Variants in TMEM184C observed in about 807,000 individuals in gnomAD.
TMEM184C encodes transmembrane protein 184C.
TMEM184C carries 25 observed loss-of-function variants against 54.5 expected under a neutral mutation model. That is an observed-to-expected ratio of 0.46 (90% CI 0.33 to 0.64). TMEM184C has a LOEUF of 0.64. TMEM184C is among the 30% of genes least tolerant of loss of function. TMEM184C has a pLI of 0.02. For synonymous variants in TMEM184C, 148 were observed against 181.5 expected, an observed-to-expected ratio of 0.82 and a Z score of 1.49; for missense variants, 335 against 520.3, an observed-to-expected ratio of 0.64 and a Z score of 3.46.
At chr4:147,631,131 A>T (rs75173332) in intron 6 of TMEM184C, among the ~76,000 whole-genome samples, 116 of 152,250 alleles carry the variant, frequency 7.6e-4, no homozygotes, top group Middle Eastern at 6.8e-3. Flanking sequence ...CATTTCTTCC[A>T]TTTATGTCAA....
In TMEM184C at chr4:147,625,764, C is replaced by T. The variant is rs549075150; in HGVS notation, c.497+755C>T. Among the ~76,000 whole-genome samples the T allele has an allele frequency of 1.5e-4, 23 of 152,208 alleles. No individual in the cohort carries two copies. In the South Asian group the frequency reaches 4.8e-3, roughly 32 times the overall value. On this transcript the variant is annotated intron_variant, in intron 4 of 9. Transcript: ENST00000296582. Reference sequence around the variant, plus strand: ...AATAGGACATGTCCACTAATGCAACCGCCCAAGGGGTTCACTTTGCCAGCC... The same window carrying T: ...AATAGGACATGTCCACTAATGCAACTGCCCAAGGGGTTCACTTTGCCAGCC...
chr4:147,628,335 A>C (rs763924010), intron 4 of TMEM184C, 26 bp from the exon 5 acceptor site: 6 of 1,583,010 alleles, frequency 3.8e-6, no homozygotes, highest in Admixed American at 1.9e-5. Flanking sequence ...GAGTAGTTGA[A>C]ATTCTAAGTT....
In TMEM184C at chr4:147,634,462, T is replaced by C. The variant is rs763135584; in HGVS notation, c.*28T>C. On this transcript the variant is annotated 3_prime_UTR_variant, in exon 10 of 10. Transcript: ENST00000296582. ...AGTATGGAAAAGCAAACTGTGCAAC[T>C]ACTACATTATATCATTACCTGGTAT... is the stretch of plus-strand genomic sequence containing the variant. 6.2e-7 allele frequency: 1 copy of C among 1,604,456 alleles called. No homozygotes were observed. Among genetic ancestry groups the C allele is most frequent in the South Asian group, 1.1e-5 (1 of 89,368 alleles).
chr4:147,628,223 AT>A, intron 4 of TMEM184C, 137 bp from the exon 5 acceptor site: 1 of 665,182 alleles, frequency 1.5e-6, no homozygotes, highest in Admixed American at 3.0e-5. Flanking sequence ...TGCCACTGCT[AT>A]TAAGGATGAC....
At position 147,634,218 on chromosome 4, in the gene TMEM184C, A is replaced by G. The variant is rs1732969733; in HGVS notation, c.1101A>G (p.Gln367=). The part of the protein sequence containing the change: ...HPRKKLFPED[Q]DQNEHTSLLS... ...GGAAAAAATTGTTTCCCGAGGATCA[A>G]GATCAAAATGAACATACAAGTTTAT... is the stretch of plus-strand genomic sequence containing the variant. The change falls in exon 10 of 10, where the codon CAA becomes CAG. Residue 367 remains glutamine, a synonymous_variant. Coordinates refer to ENST00000296582, the MANE Select transcript of TMEM184C (RefSeq NM_018241.3). 1.2e-6 allele frequency: 2 copies of G among 1,614,172 alleles called. No homozygotes were observed. The highest frequency in any genetic ancestry group is 8.5e-7 in the Non-Finnish European group (1 of 1,180,042).
At chr4:147,619,828 C>G (rs1034864324) in intron 1 of TMEM184C, among the ~76,000 whole-genome samples, 11 of 152,176 alleles carry the variant, frequency 7.2e-5, no homozygotes, top group African/African-American at 1.2e-4. Context: ...TGCTTGGACT[C>G]TTCTCAACAC....
intron 5 of TMEM184C, among the ~76,000 whole-genome samples, chr4:147,628,648 C>T (rs1420360910): frequency 6.6e-6 from 1 of 152,082 alleles, no homozygotes; most frequent in Non-Finnish European, 1.5e-5. Flanking sequence ...TAAATATTCA[C>T]ATCCTCTCCA....
rs1732621454 is a variant in TMEM184C at position 147,617,625 on chromosome 4, T to G, written c.-332T>G. 6.7e-6 allele frequency: 2 copies of G among 300,744 alleles called. No homozygotes were observed. The highest frequency in any genetic ancestry group is 2.1e-5 in the African/African-American group (1 of 46,630). The allele number at this position is 300,744 out of a possible 1,614,324, so 18.6% of individuals were successfully genotyped here. On this transcript the variant is annotated 5_prime_UTR_variant, in exon 1 of 10. The change abolishes an upstream ATG in the 5' untranslated region. Coordinates refer to ENST00000296582, the MANE Select transcript of TMEM184C (RefSeq NM_018241.3). ...GTCTGTGCTGCTCTCCTGGAAGCCA[T>G]GGTACAGGCAGAGCTCAGGGCGATC...
Position 147,624,785 on chromosome 4 carries a change from C to T in TMEM184C, c.292-19C>T. Reference sequence around the variant, plus strand: ...TTATCTTAGCTGCAACTATCTTTAACATCTGTGCTTTTTCATAGTGGATAG... The same window carrying T: ...TTATCTTAGCTGCAACTATCTTTAATATCTGTGCTTTTTCATAGTGGATAG... On this transcript the variant is annotated intron_variant, in intron 3 of 9. Transcript: ENST00000296582. 1 of 1,609,458 alleles carries T rather than the reference C, an allele frequency of 6.2e-7. No individual in the cohort carries two copies. The highest frequency in any genetic ancestry group is 8.5e-7 in the Non-Finnish European group (1 of 1,176,350).
Position 147,623,923 on chromosome 4 carries a change from A to G in TMEM184C, c.213A>G (p.Leu71=), listed in dbSNP as rs1732762233. ...PISLWVILQH[L]VHYTQPELQK... ...CACTGTGGGTGATATTGCAACACTT[A>G]GTGCATTATACACAACCTGAACTAC... The change falls in exon 2 of 10, where the codon TTA becomes TTG. Residue 71 remains leucine, a synonymous_variant. Transcript: ENST00000296582. The G allele has an allele frequency of 5.0e-6, 8 of 1,613,854 alleles. No homozygotes were observed. The East Asian group carries it at 1.3e-4, about 27-fold the overall frequency.
chr4:147,634,500 G>A lies in TMEM184C; in HGVS notation c.*66G>A. 6.4e-7 allele frequency: 1 copy of A among 1,551,648 alleles called. No homozygotes were observed. Among genetic ancestry groups the A allele is most frequent in the South Asian group, 1.2e-5 (1 of 80,210 alleles). On this transcript the variant is annotated 3_prime_UTR_variant, in exon 10 of 10. Transcript: ENST00000296582. The stretch of plus-strand genomic sequence containing the variant: ...CATTACCTGGTATCCCATGGATTTT[G>A]TGCTTGGGACAGACCATAAATGATG...
chr4:147,632,081 G>T (rs758000024), intron 7 of TMEM184C, among the ~76,000 whole-genome samples: 4 of 149,662 alleles, frequency 2.7e-5, no homozygotes, highest in Non-Finnish European at 5.9e-5. Flanking sequence ...GGGAAGGCAG[G>T]AGAATTACCT....
At chr4:147,623,138 A>G (rs2126548357) in intron 1 of TMEM184C, among the ~76,000 whole-genome samples, 1 of 152,296 alleles carries the variant, frequency 6.6e-6, no homozygotes, top group East Asian at 1.9e-4. Flanking sequence ...TAGAGGAAGA[A>G]AAAGTCCTGT....
chr4:147,617,592 G>T lies in TMEM184C; in HGVS notation c.-365G>T, dbSNP rs1215903951. 2 of 227,336 alleles carry T rather than the reference G, an allele frequency of 8.8e-6. No homozygotes were observed. Among genetic ancestry groups the T allele is most frequent in the Non-Finnish European group, 9.4e-6 (1 of 106,818 alleles). 14.1% of individuals were successfully genotyped at this position (227,336 alleles called of 1,614,324 possible). A position where few individuals can be genotyped will look rare whatever the true frequency, so the allele number is the denominator to read the frequency against. ...GGAGTGTGCAGGGTCCCTAGAGGCC[G>T]GTTCCTGGTCTGTGCTGCTCTCCTG... On this transcript the variant is annotated 5_prime_UTR_variant, in exon 1 of 10. Coordinates refer to ENST00000296582, the MANE Select transcript of TMEM184C (RefSeq NM_018241.3).
Position 147,624,827 on chromosome 4 carries a change from A to G in TMEM184C, c.315A>G (p.Gly105=), listed in dbSNP as rs773148899. The change falls in exon 4 of 10, where the codon GGA becomes GGG. Residue 105 remains glycine (G), a synonymous_variant. Transcript: ENST00000296582. ...LDSWIALKYP[G]IAIYVDTCRE... ...AGTGGATAGCTTTGAAATATCCCGG[A>G]ATTGCAATATATGTGGATACCTGCA... The G allele has an allele frequency of 6.2e-7, 1 of 1,613,724 alleles. No homozygotes were observed. Among genetic ancestry groups the G allele is most frequent in the Non-Finnish European group, 8.5e-7 (1 of 1,179,772 alleles).
At chr4:147,619,026 C>T (rs982469906) in intron 1 of TMEM184C, among the ~76,000 whole-genome samples, 4 of 150,356 alleles carry the variant, frequency 2.7e-5, no homozygotes, top group East Asian at 2.0e-4. Context: ...TGCGCCATCA[C>T]GCCCGGCTAA....
chr4:147,628,747 A>G (rs2654938), intron 5 of TMEM184C, among the ~76,000 whole-genome samples: 131,320 of 152,084 alleles, frequency 0.86, 58,858 homozygotes, highest in Non-Finnish European at 0.98. Flanking sequence ...ATGAAGTTAA[A>G]GTATGCTACT....
In TMEM184C at chr4:147,628,467, T is replaced by C. The variant is rs771038450; in HGVS notation, c.572+32T>C. ...ACTCGGATTTTATATGAACTTTTTTTTTCATCCTTGTGATCTTATGTGGGA... is the reference window on the plus strand; with the variant it reads ...ACTCGGATTTTATATGAACTTTTTTCTTCATCCTTGTGATCTTATGTGGGA... On this transcript the variant is annotated intron_variant, in intron 5 of 9. Transcript: ENST00000296582. 6 of 1,581,058 alleles carry C rather than the reference T, an allele frequency of 3.8e-6. No homozygotes were observed. The Admixed American group carries it at 1.0e-4, about 27-fold the overall frequency.
At chr4:147,629,384 G>A (rs577024294) in intron 5 of TMEM184C, among the ~76,000 whole-genome samples, 35 of 151,914 alleles carry the variant, frequency 2.3e-4, no homozygotes, top group Non-Finnish European at 1.3e-4. Flanking sequence ...AGAAAAAAAT[G>A]GGTTTTTCAT....
Sources: gnomAD v4.1 joint callset for allele counts (sites outside exome capture counted in the v4.1 genomes callset) on GRCh38, gnomAD v4.1.1 for gene constraint, MANE v1.5 for transcripts, NCBI Gene and HGNC (gene_info 2026-07-23, HGNC 2026-07-21) for gene names.